GNB4: variants seen among roughly 807,000 people sequenced by gnomAD.
The protein encoded by GNB4 is guanine nucleotide-binding protein subunit beta-4.
GNB4 carries 28 observed loss-of-function variants against 45.2 expected under a neutral mutation model. The observed-to-expected ratio is 0.62, with a 90% CI of 0.46 to 0.85. The LOEUF (loss-of-function observed/expected upper bound fraction) is 0.85, where lower values mean the gene tolerates loss of function less well. Among genes scored for constraint, GNB4 ranks in the 40% least tolerant of loss-of-function variants. The pLI is 0.00. For missense variants in GNB4, 321 were observed against 425.4 expected, an observed-to-expected ratio of 0.75 and a Z score of 2.16; for synonymous variants, 132 against 143.7, an observed-to-expected ratio of 0.92 and a Z score of 0.58.
At chr3:179,441,857 G>A (rs1392560806) in intron 1 of GNB4, among the ~76,000 whole-genome samples, 3 of 152,008 alleles carry the variant, frequency 2.0e-5, no homozygotes, top group Non-Finnish European at 2.9e-5. Context: ...CCAGGCTGGA[G>A]TGCAGTGGCA....
Position 179,438,811 on chromosome 3 carries a change from T to C in GNB4, c.-43+12535A>G, listed in dbSNP as rs1715525371. ...AGTGGTTTCAAAGGGGGAGAGAGAA[T>C]AGAAGAAAACAACCAGTTATTTGAA... is the stretch of plus-strand genomic sequence containing the variant. On this transcript the variant is annotated intron_variant, in intron 1 of 9. Coordinates refer to ENST00000232564, the MANE Select transcript of GNB4 (RefSeq NM_021629.4). Among the ~76,000 whole-genome samples the C allele has an allele frequency of 2.0e-5, 3 of 152,190 alleles. No individual in the cohort carries two copies. The South Asian group carries it at 6.2e-4, about 32-fold the overall frequency.
chr3:179,503,081 A>G, the GNB4 span, among the ~76,000 whole-genome samples: 32 of 152,266 alleles, frequency 2.1e-4, no homozygotes, highest in African/African-American at 6.7e-4. Flanking sequence ...TGATCCTCCC[A>G]CCCAAAGGTT....
chr3:179,401,617 T>C (rs1020691905), intron 9 of GNB4, among the ~76,000 whole-genome samples: 1 of 152,212 alleles, frequency 6.6e-6, no homozygotes, highest in Non-Finnish European at 1.5e-5. Context: ...GGAAAACATA[T>C]GCAGACAATT....
At chr3:179,513,307 C>T in the GNB4 span, among the ~76,000 whole-genome samples, 1 of 151,422 alleles carries the variant, frequency 6.6e-6, no homozygotes, top group South Asian at 2.1e-4. Flanking sequence ...CCTCAGCCTC[C>T]CAAGTAGCCA....
the GNB4 span, among the ~76,000 whole-genome samples, chr3:179,506,240 A>C: frequency 6.6e-6 from 1 of 152,126 alleles, no homozygotes; most frequent in African/African-American, 2.4e-5. Context: ...TGGGAGGCTG[A>C]GGTGGGAGGA....
chr3:179,399,653 C>A lies in GNB4; in HGVS notation c.*1560G>T, dbSNP rs1212565027. The A allele has an allele frequency of 6.6e-6, 1 of 152,156 alleles. No homozygotes were observed. The highest frequency in any genetic ancestry group is 1.5e-5 in the Non-Finnish European group (1 of 68,042). 9.4% of individuals were successfully genotyped at this position (152,156 alleles called of 1,614,324 possible). A position where few individuals can be genotyped will look rare whatever the true frequency, so the allele number is the denominator to read the frequency against. ...TTTTAATAAAACTGATACATCTTTACAGTTGATGCACATATTAGCACATTC... is the reference window on the plus strand; with the variant it reads ...TTTTAATAAAACTGATACATCTTTAAAGTTGATGCACATATTAGCACATTC... On this transcript the variant is annotated 3_prime_UTR_variant, in exon 10 of 10. Transcript: ENST00000232564.
the GNB4 span, among the ~76,000 whole-genome samples, chr3:179,470,553 T>C: frequency 6.7e-6 from 1 of 150,282 alleles, no homozygotes; most frequent in Non-Finnish European, 1.5e-5. Context: ...AATATATATA[T>C]ATAATTTTTT....
Position 179,405,390 on chromosome 3 carries a change from T to C in GNB4, c.716A>G (p.Tyr239Cys), listed in dbSNP as rs765109611. 6.2e-7 allele frequency: 1 copy of C among 1,611,004 alleles called. No homozygotes were observed. Among genetic ancestry groups the C allele is most frequent in the South Asian group, 1.1e-5 (1 of 90,794 alleles). Residue 239 changes from tyrosine to cysteine, a missense_variant, in exon 9 of 10, where the codon TAT becomes TGT. Coordinates refer to ENST00000232564, the MANE Select transcript of GNB4 (RefSeq NM_021629.4). ...INAVSFFPNGYAFATGSDDAT... is the reference protein window; with the variant it reads ...INAVSFFPNGCAFATGSDDAT... ...ATCATCAGAGCCAGTGGCGAAGGCA[T>C]ATCCATTTGGGAAAAACTAGACAGG...
the GNB4 span, among the ~76,000 whole-genome samples, chr3:179,517,889 T>A: frequency 1.2e-4 from 19 of 152,110 alleles, no homozygotes; most frequent in Admixed American, 5.2e-4. Context: ...GTTTCAGAGG[T>A]GTCTGACCAT....
At chr3:179,518,920 G>A in the GNB4 span, among the ~76,000 whole-genome samples, 1 of 152,028 alleles carries the variant, frequency 6.6e-6, no homozygotes, top group African/African-American at 2.4e-5. Flanking sequence ...TTAAATTCCG[G>A]CCCTCAAACC....
chr3:179,482,531 T>C, the GNB4 span, among the ~76,000 whole-genome samples: 1 of 152,198 alleles, frequency 6.6e-6, no homozygotes, highest in Non-Finnish European at 1.5e-5. Flanking sequence ...TTGTAAAAGA[T>C]AGAATCCCTC....
the GNB4 span, among the ~76,000 whole-genome samples, chr3:179,463,760 G>A: frequency 6.6e-6 from 1 of 152,182 alleles, no homozygotes; most frequent in Non-Finnish European, 1.5e-5. Context: ...TGGAGAATCA[G>A]GCAGCCCTTC....
chr3:179,524,871 G>A, the GNB4 span, among the ~76,000 whole-genome samples: 1 of 152,150 alleles, frequency 6.6e-6, no homozygotes, highest in Admixed American at 6.5e-5. Context: ...GGTGGGGGAG[G>A]GCTAGTTTCG....
Position 179,419,301 on chromosome 3 carries a change from A to G in GNB4, c.203+98T>C. 4 of 807,458 alleles carry G rather than the reference A, an allele frequency of 5.0e-6. No homozygotes were observed. In the South Asian group the frequency reaches 5.7e-5, roughly 11 times the overall value. 50.0% of individuals were successfully genotyped at this position (807,458 alleles called of 1,614,324 possible). Reference sequence around the variant, plus strand: ...TGCATTTTCTGCAAACGCTTCATGAATATATTCTGTTTTTAAACAAAGAAA... The same window carrying G: ...TGCATTTTCTGCAAACGCTTCATGAGTATATTCTGTTTTTAAACAAAGAAA... On this transcript the variant is annotated intron_variant, in intron 4 of 9. Transcript: ENST00000232564.
At chr3:179,463,291 A>C in the GNB4 span, among the ~76,000 whole-genome samples, 1 of 152,202 alleles carries the variant, frequency 6.6e-6, no homozygotes, top group Non-Finnish European at 1.5e-5. Flanking sequence ...ACCATCCAGC[A>C]TATGTTGGGA....
the GNB4 span, among the ~76,000 whole-genome samples, chr3:179,504,677 T>C: frequency 6.6e-6 from 1 of 152,110 alleles, no homozygotes; most frequent in Admixed American, 6.6e-5. Flanking sequence ...CCCCTGATAA[T>C]AGAGTGAGGA....
chr3:179,446,199 G>A (rs1241986237), intron 1 of GNB4, among the ~76,000 whole-genome samples: 1 of 152,142 alleles, frequency 6.6e-6, no homozygotes. Flanking sequence ...CCATCCACAC[G>A]ACCTTGGCAC....
chr3:179,414,092 C>T (rs77605703), intron 6 of GNB4, among the ~76,000 whole-genome samples: 3,551 of 152,110 alleles, frequency 0.023, 83 homozygotes, highest in South Asian at 0.061. Context: ...AATCTATGGC[C>T]GACTGTGTTA....
At chr3:179,453,016 C>A (rs1228386612), upstream of GNB4, among the ~76,000 whole-genome samples, 4 of 152,066 alleles carry the variant, frequency 2.6e-5, no homozygotes. Context: ...GAATTTTATC[C>A]CCATTTTACA....
Sources: allele counts gnomAD v4.1 joint callset (sites outside exome capture counted in the v4.1 genomes callset), GRCh38; gene constraint gnomAD v4.1.1; transcripts MANE v1.5; gene names NCBI Gene and HGNC (gene_info 2026-07-23, HGNC 2026-07-21).